STXBP4: variants seen among roughly 807,000 people sequenced by gnomAD.
STXBP4 encodes syntaxin binding protein 4.
STXBP4 carries 55 observed loss-of-function variants against 76.1 expected under a neutral mutation model. The observed-to-expected ratio is 0.72, with a 90% CI of 0.58 to 0.91. The LOEUF (loss-of-function observed/expected upper bound fraction) is 0.91, where lower values mean the gene tolerates loss of function less well. STXBP4 is among the 40% of genes least tolerant of loss of function. The probability of loss-of-function intolerance (pLI) is 0.00; values close to 1 mark genes in which losing one functional copy is unlikely to be tolerated. For missense variants in STXBP4, 618 were observed against 636.9 expected (o/e 0.97, Z 0.32); for synonymous variants, 201 against 220.2 (o/e 0.91, Z 0.77).
At chr17:55,135,438 G>C (rs1419917742) in intron 16 of STXBP4, among the ~76,000 whole-genome samples, 3 of 151,976 alleles carry the variant, frequency 2.0e-5, no homozygotes, top group African/African-American at 7.2e-5. Context: ...CCAAAATCAT[G>C]TTTGTTAATA....
intron 16 of STXBP4, among the ~76,000 whole-genome samples, chr17:55,136,933 T>C (rs1378530117): frequency 6.6e-6 from 1 of 152,156 alleles, no homozygotes; most frequent in Non-Finnish European, 1.5e-5. Context: ...AAGAAAGGGC[T>C]GTTAATTTCA....
At chr17:55,039,983 A>AT (rs2078670713) in intron 10 of STXBP4, among the ~76,000 whole-genome samples, 1 of 152,130 alleles carries the variant, frequency 6.6e-6, no homozygotes, top group Non-Finnish European at 1.5e-5. Context: ...CATAATAGTG[A>AT]ATGTGCTCAC....
chr17:54,982,977 C>G (rs1041262640), intron 1 of STXBP4, among the ~76,000 whole-genome samples: 11 of 152,198 alleles, frequency 7.2e-5, no homozygotes, highest in Admixed American at 3.3e-4. Flanking sequence ...GGTTCAAACT[C>G]TACTTTACAA....
In STXBP4 at chr17:55,103,391, C is replaced by T. The variant is rs186533661; in HGVS notation, c.1489+22208C>T. ...AACACCGTTTATTAAATAGGGAATC[C>T]TTTCTCCATTGCTTGTTTTTGTCAG... On this transcript the variant is annotated intron_variant, in intron 16 of 17. Coordinates refer to ENST00000376352, the MANE Select transcript of STXBP4 (RefSeq NM_178509.6). Among the ~76,000 whole-genome samples the T allele has an allele frequency of 3.2e-3, 494 of 152,188 alleles. 4 individuals carry two copies. Among genetic ancestry groups the T allele is most frequent in the African/African-American group, 0.012 (480 of 41,520 alleles).
At chr17:55,188,622 G>T in the STXBP4 span, among the ~76,000 whole-genome samples, 3 of 152,056 alleles carry the variant, frequency 2.0e-5, no homozygotes, top group Admixed American at 6.5e-5. Context: ...TCTCCTCTTT[G>T]TCTCACTCAA....
At chr17:55,198,371 C>T in the STXBP4 span, among the ~76,000 whole-genome samples, 1 of 152,154 alleles carries the variant, frequency 6.6e-6, no homozygotes, top group South Asian at 2.1e-4. Context: ...AGGTTCTCTG[C>T]CTCCAGACCC....
At chr17:55,204,499 T>TA in the STXBP4 span, among the ~76,000 whole-genome samples, 9 of 152,242 alleles carry the variant, frequency 5.9e-5, no homozygotes, top group African/African-American at 2.2e-4. Context: ...ATATTGTGTG[T>TA]AAAAAATTAC....
At chr17:55,113,949 CG>C (rs1391290861) in intron 16 of STXBP4, among the ~76,000 whole-genome samples, 4 of 152,060 alleles carry the variant, frequency 2.6e-5, no homozygotes, top group Admixed American at 6.6e-5. Context: ...ATAATCTTTG[CG>C]ACTTTCTTAA....
At chr17:55,095,773 G>T (rs2079477134) in intron 16 of STXBP4, among the ~76,000 whole-genome samples, 1 of 152,092 alleles carries the variant, frequency 6.6e-6, no homozygotes, top group Non-Finnish European at 1.5e-5. Context: ...TATATGGAAA[G>T]ATCAAAGCTC....
intron 6 of STXBP4, 107 bp from the exon 7 acceptor site, chr17:55,000,701 G>A: frequency 1.3e-6 from 1 of 790,756 alleles, no homozygotes; most frequent in Non-Finnish European, 2.1e-6. Flanking sequence ...TTTCATATTT[G>A]AGGGATAATT....
At chr17:55,032,109 G>T (rs2078519105) in intron 9 of STXBP4, among the ~76,000 whole-genome samples, 1 of 152,038 alleles carries the variant, frequency 6.6e-6, no homozygotes, top group East Asian at 1.9e-4. Flanking sequence ...GTTTTTCAGA[G>T]ATATTTTGCA....
At chr17:55,002,694 G>A (rs1231257953) in intron 7 of STXBP4, among the ~76,000 whole-genome samples, 1 of 152,162 alleles carries the variant, frequency 6.6e-6, no homozygotes, top group Non-Finnish European at 1.5e-5. Context: ...ATGGTATAAG[G>A]AAGGCACAGT....
chr17:54,973,762 CA>C (rs1423471029), intron 1 of STXBP4, among the ~76,000 whole-genome samples: 1 of 152,142 alleles, frequency 6.6e-6, no homozygotes, highest in Non-Finnish European at 1.5e-5. Context: ...AGGGCTAATC[CA>C]ACCCTGTTTT....
At chr17:55,073,176 A>G in intron 13 of STXBP4, 100 bp downstream of exon 13, 1 of 1,088,064 alleles carries the variant, frequency 9.2e-7, no homozygotes, top group Non-Finnish European at 1.4e-6. Flanking sequence ...AAACTAGGTC[A>G]GTGTTTGTCT....
chr17:55,032,084 A>G (rs2078518688), intron 9 of STXBP4, among the ~76,000 whole-genome samples: 2 of 152,174 alleles, frequency 1.3e-5, no homozygotes, highest in Admixed American at 6.5e-5. Context: ...GACTTTTGAT[A>G]CATATTGGTA....
At chr17:55,061,186 T>C (rs1598276642) in intron 12 of STXBP4, among the ~76,000 whole-genome samples, 1 of 152,202 alleles carries the variant, frequency 6.6e-6, no homozygotes, top group South Asian at 2.1e-4. Context: ...ATGTGAGCTA[T>C]CTTAGTTTTC....
chr17:55,161,596 C>G lies in STXBP4; in HGVS notation c.*1685C>G, dbSNP rs995469110. The G allele has an allele frequency of 2.0e-5, 3 of 152,184 alleles. No individual in the cohort carries two copies. Among genetic ancestry groups the G allele is most frequent in the African/African-American group, 7.2e-5 (3 of 41,436 alleles). 9.4% of individuals were successfully genotyped at this position (152,184 alleles called of 1,614,324 possible). On this transcript the variant is annotated 3_prime_UTR_variant, in exon 18 of 18. Coordinates refer to ENST00000376352, the MANE Select transcript of STXBP4 (RefSeq NM_178509.6). ...TCACTGAAATCAAAGTACTCAGGCA[C>G]ACAGCCCACTGACAAGAGACACCTC... is the stretch of plus-strand genomic sequence containing the variant.
chr17:55,070,237 T>C (rs898084457), intron 12 of STXBP4, among the ~76,000 whole-genome samples: 2 of 152,266 alleles, frequency 1.3e-5, no homozygotes, highest in East Asian at 1.9e-4. Flanking sequence ...AAAATGCAGA[T>C]AATAATAGAC....
intron 17 of STXBP4, among the ~76,000 whole-genome samples, chr17:55,145,743 G>A (rs1045279981): frequency 2.0e-5 from 3 of 152,088 alleles, no homozygotes; most frequent in Non-Finnish European, 4.4e-5. Context: ...TTCTGTGTGT[G>A]TGTGTGTACC....
Sources: gnomAD v4.1 joint callset for allele counts (sites outside exome capture counted in the v4.1 genomes callset) on GRCh38, gnomAD v4.1.1 for gene constraint, MANE v1.5 for transcripts, NCBI Gene and HGNC (gene_info 2026-07-23, HGNC 2026-07-21) for gene names.